Variants in LMAN2L observed in about 807,000 individuals in gnomAD.
LMAN2L encodes VIP36-like protein.
A neutral mutation model predicts 44.3 loss-of-function variants in LMAN2L; 30 were observed. The observed-to-expected ratio is 0.68, with a 90% confidence interval of 0.51 to 0.92. The LOEUF is 0.92. LMAN2L is among the 40% of genes least tolerant of loss of function. The pLI is 0.00. For synonymous variants in LMAN2L, 183 were observed against 171.1 expected, an observed-to-expected ratio of 1.07 and a Z score of -0.54; for missense variants, 429 against 446.1, an observed-to-expected ratio of 0.96 and a Z score of 0.35.
At chr2:96,723,147 A>G (rs6758151) in intron 4 of LMAN2L, among the ~76,000 whole-genome samples, 19,451 of 152,238 alleles carry the variant, frequency 0.13, 2,011 homozygotes, top group African/African-American at 0.28. Flanking sequence ...CAAAGCAACT[A>G]CACCATTTTA....
chr2:96,734,718 G>T, intron 2 of LMAN2L, 192 bp from the exon 3 acceptor site: 1 of 569,646 alleles, frequency 1.8e-6, no homozygotes, highest in South Asian at 2.3e-5. Flanking sequence ...ACTGTTTAGA[G>T]ATTTAATATG....
At chr2:96,713,607 G>C (rs2077975240) in intron 4 of LMAN2L, among the ~76,000 whole-genome samples, 1 of 152,120 alleles carries the variant, frequency 6.6e-6, no homozygotes, top group Non-Finnish European at 1.5e-5. Context: ...CCAAATTCAA[G>C]ACATCCTTTA....
In LMAN2L at chr2:96,711,991, T is replaced by C; in HGVS notation, c.542A>G (p.Asn181Ser). 1.9e-6 allele frequency: 3 copies of C among 1,614,126 alleles called. No homozygotes were observed. The highest frequency in any genetic ancestry group is 2.5e-6 in the Non-Finnish European group (3 of 1,180,026). The change falls in exon 5 of 8, where the codon AAC (asparagine) becomes AGC (serine). Residue 181 changes from asparagine (N) to serine (S), a missense_variant. Physicochemically the swap from Asn to Ser is conservative, Grantham distance 46. Transcript: ENST00000264963. ...VFPYISAMVN[N>S]GSLSYDHERD... is the part of the protein sequence containing the mutation. ...CTCATGATCATAGCTGAGGGAGCCG[T>C]TGTTCACCATGGCTGAGATGTAGGG...
chr2:96,727,211 G>T (rs1284264343), intron 4 of LMAN2L, among the ~76,000 whole-genome samples: 1 of 151,978 alleles, frequency 6.6e-6, no homozygotes, highest in Non-Finnish European at 1.5e-5. Flanking sequence ...TTCCTAATTT[G>T]TTGAGTGTTT....
At chr2:96,718,940 C>T (rs79979621) in intron 4 of LMAN2L, among the ~76,000 whole-genome samples, 145 of 152,248 alleles carry the variant, frequency 9.5e-4, no homozygotes, top group African/African-American at 3.3e-3. Context: ...AAGAAACTCA[C>T]GGAATGATCT....
rs546889009 is a variant in LMAN2L at position 96,721,923 on chromosome 2, G to A, written c.508-9898C>T. 3.3e-5 allele frequency among the ~76,000 whole-genome samples: 5 copies of A among 152,214 alleles called. No individual in the cohort carries two copies. In the East Asian group the frequency reaches 7.7e-4, roughly 23 times the overall value. ...TTCCATGAACCGGGGAGTTGGAGGG[G>A]GGGTGGTTTCGGGATGATTCAAGCA... On this transcript the variant is annotated intron_variant, in intron 4 of 7. Transcript: ENST00000264963.
In LMAN2L at chr2:96,739,780, C is replaced by T. The variant is rs568056768; in HGVS notation, c.187+74G>A. On this transcript the variant is annotated intron_variant, in intron 1 of 7. Transcript: ENST00000264963. Reference sequence around the variant, plus strand: ...CTCCGGGCCACGAAGCCCTTCGCCGCCCCCGCCTCTACCCCTGAAATCAAG... The same window carrying T: ...CTCCGGGCCACGAAGCCCTTCGCCGTCCCCGCCTCTACCCCTGAAATCAAG... The T allele has an allele frequency of 6.5e-4, 970 of 1,496,208 alleles. 4 individuals are homozygous for T. The highest frequency in any genetic ancestry group is 1.4e-3 in the South Asian group (123 of 88,496). 92.7% of individuals were successfully genotyped at this position (1,496,208 alleles called of 1,614,324 possible). A position where few individuals can be genotyped will look rare whatever the true frequency, so the allele number is the denominator to read the frequency against.
chr2:96,727,423 G>T (rs2078294500), intron 4 of LMAN2L, among the ~76,000 whole-genome samples: 1 of 152,124 alleles, frequency 6.6e-6, no homozygotes, highest in South Asian at 2.1e-4. Context: ...CTTGAGCATA[G>T]CAGTTTGAGA....
intron 6 of LMAN2L, among the ~76,000 whole-genome samples, chr2:96,710,068 C>G (rs890515621): frequency 1.3e-5 from 2 of 152,190 alleles, no homozygotes; most frequent in African/African-American, 2.4e-5. Flanking sequence ...ATTTTTCCCA[C>G]AGGTCTGGCC....
intron 4 of LMAN2L, among the ~76,000 whole-genome samples, chr2:96,725,113 G>C (rs1237295129): frequency 6.6e-6 from 1 of 151,994 alleles, no homozygotes. Context: ...TTACAGGCGT[G>C]AGCCACAGCG....
intron 2 of LMAN2L, chr2:96,737,324 G>A: frequency 2.8e-6 from 1 of 359,134 alleles, no homozygotes; most frequent in Non-Finnish European, 5.4e-6. Flanking sequence ...ATAACAAGAT[G>A]GGGATGCTGG....
chr2:96,717,629 C>T (rs757069032), intron 4 of LMAN2L, among the ~76,000 whole-genome samples: 8 of 151,508 alleles, frequency 5.3e-5, no homozygotes, highest in Non-Finnish European at 1.2e-4. Context: ...CACCTGAGGT[C>T]GGGAGTTCGA....
chr2:96,711,439 A>C (rs2077913618), intron 6 of LMAN2L, among the ~76,000 whole-genome samples: 1 of 152,240 alleles, frequency 6.6e-6, no homozygotes, highest in South Asian at 2.1e-4. Flanking sequence ...ACTGCTTTCT[A>C]TTAGCACCAA....
chr2:96,732,537 G>A (rs1194755764), intron 4 of LMAN2L, among the ~76,000 whole-genome samples: 6 of 151,718 alleles, frequency 4.0e-5, no homozygotes, highest in African/African-American at 9.7e-5. Flanking sequence ...CCAGCTACGC[G>A]GGAGGCTGAG....
chr2:96,728,063 A>G (rs573855459), intron 4 of LMAN2L, among the ~76,000 whole-genome samples: 3 of 152,388 alleles, frequency 2.0e-5, no homozygotes, highest in African/African-American at 7.2e-5. Context: ...TGGCGCCTTT[A>G]TGTATATTGA....
At chr2:96,732,097 C>A (rs934390949) in intron 4 of LMAN2L, among the ~76,000 whole-genome samples, 1 of 151,970 alleles carries the variant, frequency 6.6e-6, no homozygotes, top group Non-Finnish European at 1.5e-5. Context: ...AAGTAATCTG[C>A]CCACCTCGGC....
chr2:96,726,531 C>G (rs1414636872), intron 4 of LMAN2L, among the ~76,000 whole-genome samples: 1 of 152,130 alleles, frequency 6.6e-6, no homozygotes, highest in Non-Finnish European at 1.5e-5. Flanking sequence ...GCCTGTAATC[C>G]CAGCACTTTG....
At chr2:96,739,700 G>A (rs2078593055) in intron 1 of LMAN2L, among the ~76,000 whole-genome samples, 154 bp downstream of exon 1, 1 of 152,030 alleles carries the variant, frequency 6.6e-6, no homozygotes, top group East Asian at 1.9e-4. Flanking sequence ...TTTCAGACCT[G>A]TGGCTCCCAA....
intron 4 of LMAN2L, 135 bp downstream of exon 4, chr2:96,733,384 G>A (rs1439091257): frequency 2.0e-5 from 13 of 661,072 alleles, no homozygotes; most frequent in Non-Finnish European, 3.5e-5. Context: ...CACTGACAAG[G>A]ACATTAACTT....
Sources: allele counts gnomAD v4.1 joint callset (sites outside exome capture counted in the v4.1 genomes callset), GRCh38; gene constraint gnomAD v4.1.1; transcripts MANE v1.5; gene names NCBI Gene and HGNC (gene_info 2026-07-23, HGNC 2026-07-21).